Variants in ZC3H4 observed in about 807,000 individuals in gnomAD.
The protein encoded by ZC3H4 is zinc finger CCCH domain-containing protein 4.
A neutral mutation model predicts 108.3 loss-of-function variants in ZC3H4; 13 were observed. The observed-to-expected ratio is 0.12, with a 90% CI of 0.08 to 0.19. The LOEUF (loss-of-function observed/expected upper bound fraction) is 0.19. Among genes scored for constraint, ZC3H4 ranks in the 10% least tolerant of loss-of-function variants. The probability of loss-of-function intolerance (pLI) is 1.00; values close to 1 mark genes in which losing one functional copy is unlikely to be tolerated. For synonymous variants in ZC3H4, 917 were observed against 749.6 expected (o/e 1.22, Z -3.65); for missense variants, 1,734 against 1,838.8 (o/e 0.94, Z 1.04).
In ZC3H4 at chr19:47,069,351, AG is replaced by A; in HGVS notation, c.2147-9del. The A allele has an allele frequency of 6.2e-7, 1 of 1,610,902 alleles. No individual in the cohort carries two copies. Among genetic ancestry groups the A allele is most frequent in the South Asian group, 1.1e-5 (1 of 90,594 alleles). ...CGTAGTGCCCGTAGTCCTCTGTGGC[AG>A]GGAAGAACCGAGGGTTCATGTCGGG... On this transcript the variant is annotated splice_polypyrimidine_tract_variant and intron_variant, in intron 13 of 14. Coordinates refer to ENST00000253048, the MANE Select transcript of ZC3H4 (RefSeq NM_015168.2).
At chr19:47,096,054 C>T (rs1401706732) in intron 2 of ZC3H4, among the ~76,000 whole-genome samples, 1 of 152,202 alleles carries the variant, frequency 6.6e-6, no homozygotes, top group East Asian at 1.9e-4. Context: ...TGTCCTTTCG[C>T]TTATGTCCCT....
chr19:47,101,004 T>C (rs1006175366), intron 2 of ZC3H4, among the ~76,000 whole-genome samples: 26 of 152,044 alleles, frequency 1.7e-4, no homozygotes, highest in Non-Finnish European at 3.8e-4. Context: ...GGCCTGTAGT[T>C]ATGTTTTTAA....
intron 2 of ZC3H4, among the ~76,000 whole-genome samples, chr19:47,104,959 G>T (rs2057949873): frequency 6.6e-6 from 1 of 152,206 alleles, no homozygotes; most frequent in South Asian, 2.1e-4. Flanking sequence ...GAAGTCTCCA[G>T]TTACTTCTAA....
At chr19:47,093,215 C>CAAA (rs918382221) in intron 4 of ZC3H4, among the ~76,000 whole-genome samples, 44 of 48,290 alleles carry the variant, frequency 9.1e-4, no homozygotes, top group South Asian at 1.6e-3. Flanking sequence ...GACTCTGCCT[C>CAAA]AAAAAAAAAA....
At chr19:47,079,419 AAATG>A (rs1271067745) in intron 11 of ZC3H4, among the ~76,000 whole-genome samples, 2 of 150,806 alleles carry the variant, frequency 1.3e-5, no homozygotes, top group Non-Finnish European at 1.5e-5. Context: ...GGAAAATTTT[AAATG>A]AATGATGTGA....
intron 9 of ZC3H4, among the ~76,000 whole-genome samples, chr19:47,083,140 G>A (rs2057553460): frequency 6.6e-6 from 1 of 151,208 alleles, no homozygotes; most frequent in Admixed American, 6.6e-5. Context: ...CACCACCCAG[G>A]TTCAAGCGAT....
Position 47,112,519 on chromosome 19 carries a change from C to T in ZC3H4, c.66G>A (p.Pro22=), listed in dbSNP as rs776992857. ...PSESPPPPSP[P]PPSTPSPPPC... ...GAGGAGGCGAAGGCGTTGATGGCGG[C>T]GGCGGCGATGGCGGCGGCGGCGACT... The change falls in exon 2 of 15, where the codon CCG becomes CCA. Residue 22 remains proline, a synonymous_variant. Transcript: ENST00000253048. 18 of 1,073,984 alleles carry T rather than the reference C, an allele frequency of 1.7e-5. No homozygotes were observed. Among genetic ancestry groups the T allele is most frequent in the Middle Eastern group, 6.7e-4 (2 of 2,980 alleles). The allele number at this position is 1,073,984 out of a possible 1,614,324, so 66.5% of individuals were successfully genotyped here. A position where few individuals can be genotyped will look rare whatever the true frequency, so the allele number is the denominator to read the frequency against.
rs749593768 is a variant in ZC3H4, at chr19:47,066,977, G to A, written c.3291C>T (p.Pro1097=). The change falls in exon 15 of 15, where the codon CCC becomes CCT. Residue 1097 remains proline, a synonymous_variant. Coordinates refer to ENST00000253048, the MANE Select transcript of ZC3H4 (RefSeq NM_015168.2). ...DSTASSRAAK[P]GPAEAPSPTA... Reference sequence around the variant, plus strand: ...TGGGAGAGGGCGCCTCAGCAGGGCCGGGCTTGGCAGCCCGGGAGGAGGCCG... The same window carrying A: ...TGGGAGAGGGCGCCTCAGCAGGGCCAGGCTTGGCAGCCCGGGAGGAGGCCG... The A allele has an allele frequency of 2.1e-5, 33 of 1,589,474 alleles. No homozygotes were observed. The highest frequency in any genetic ancestry group is 4.5e-5 in the South Asian group (4 of 88,566).
At chr19:47,079,155 G>C (rs143623176) in intron 11 of ZC3H4, among the ~76,000 whole-genome samples, 4,002 of 149,978 alleles carry the variant, frequency 0.027, 145 homozygotes, top group African/African-American at 0.084. Context: ...TCAGCCTCTC[G>C]AGTAGCTGGG....
In ZC3H4 at chr19:47,112,474, G is replaced by T; in HGVS notation, c.111C>A (p.Arg37=). 3.3e-6 allele frequency: 4 copies of T among 1,199,004 alleles called. No homozygotes were observed. The highest frequency in any genetic ancestry group is 3.2e-6 in the Non-Finnish European group (3 of 950,888). 74.3% of individuals were successfully genotyped at this position (1,199,004 alleles called of 1,614,324 possible). Reference sequence around the variant, plus strand: ...GGTGGAGGAGGTGCGGGGTGGCCGGGCGGGCGTCGGGGGAACACGGAGGAG... The same window carrying T: ...GGTGGAGGAGGTGCGGGGTGGCCGGTCGGGCGTCGGGGGAACACGGAGGAG... ...PSPPPCSPDA[R]PATPHLLHHR... Residue 37 remains arginine (R), a synonymous_variant, in exon 2 of 15, where the codon CGC becomes CGA. Transcript: ENST00000253048.
chr19:47,069,432 C>A (rs566465038), intron 13 of ZC3H4, 89 bp from the exon 14 acceptor site: 5 of 1,478,702 alleles, frequency 3.4e-6, no homozygotes, highest in Non-Finnish European at 4.5e-6. Flanking sequence ...AAACCCACAC[C>A]GATGGCGATG....
chr19:47,111,497 G>A (rs1303641575), intron 2 of ZC3H4, among the ~76,000 whole-genome samples: 2 of 152,114 alleles, frequency 1.3e-5, no homozygotes, highest in East Asian at 3.9e-4. Flanking sequence ...AGGAGAAAGC[G>A]CGGGACCAAC....
chr19:47,091,249 G>A (rs1216368543), intron 4 of ZC3H4, among the ~76,000 whole-genome samples: 1 of 151,690 alleles, frequency 6.6e-6, no homozygotes, highest in Non-Finnish European at 1.5e-5. Context: ...TCCAACCAGG[G>A]TGACACAGCG....
At chr19:47,100,650 T>C (rs369723126) in intron 2 of ZC3H4, among the ~76,000 whole-genome samples, 4 of 152,016 alleles carry the variant, frequency 2.6e-5, no homozygotes, top group South Asian at 4.2e-4. Flanking sequence ...AGATATTAAT[T>C]GTTAATCTTG....
chr19:47,111,082 G>A (rs982060661), intron 2 of ZC3H4: 4 of 182,912 alleles, frequency 2.2e-5, no homozygotes, highest in Non-Finnish European at 3.1e-5. Context: ...TCCCCAGCCA[G>A]GGCTGCGACG....
At chr19:47,111,077 A>C (rs1255779266) in intron 2 of ZC3H4, 2 of 204,972 alleles carry the variant, frequency 9.8e-6, no homozygotes, top group African/African-American at 4.7e-5. Flanking sequence ...GCGGCTCCCC[A>C]GCCAGGGCTG....
Position 47,090,145 on chromosome 19 carries a change from C to T in ZC3H4, c.537G>A (p.Lys179=). ...TGCTGTCCATCTTGGAGTATGCCTT[C>T]TTGGGCAGGGGCGTGGCATGCGATG... is the stretch of plus-strand genomic sequence containing the variant. ...YPPSHATPLP[K]KAYSKMDSKS... Residue 179 remains lysine, a synonymous_variant, in exon 5 of 15, where the codon AAG becomes AAA. Coordinates refer to ENST00000253048, the MANE Select transcript of ZC3H4 (RefSeq NM_015168.2). The T allele has an allele frequency of 6.2e-7, 1 of 1,614,198 alleles. No individual in the cohort carries two copies. Among genetic ancestry groups the T allele is most frequent in the Non-Finnish European group, 8.5e-7 (1 of 1,180,038 alleles).
Position 47,068,009 on chromosome 19 carries a change from C to T in ZC3H4, c.2399-140G>A, listed in dbSNP as rs2057250351. ...CAGGTCCTCCTCTCTAAGGCTCCCT[C>T]CCCACAGTGGGCGGCTGAGGAGACC... On this transcript the variant is annotated intron_variant, in intron 14 of 14. Transcript: ENST00000253048. The T allele has an allele frequency of 3.6e-6, 3 of 837,170 alleles. No homozygotes were observed. In the South Asian group the frequency reaches 5.0e-5, roughly 14 times the overall value. The allele number at this position is 837,170 out of a possible 1,614,324, so 51.9% of individuals were successfully genotyped here.
chr19:47,069,442 G>A, intron 13 of ZC3H4, 99 bp from the exon 14 acceptor site: 1 of 1,448,384 alleles, frequency 6.9e-7, no homozygotes, highest in Non-Finnish European at 9.2e-7. Flanking sequence ...CGATGGCGAT[G>A]GAGAAGGACG....
Sources: allele counts gnomAD v4.1 joint callset (sites outside exome capture counted in the v4.1 genomes callset), GRCh38; gene constraint gnomAD v4.1.1; transcripts MANE v1.5; gene names NCBI Gene and HGNC (gene_info 2026-07-23, HGNC 2026-07-21).